The following ANKFY1 variants were observed in gnomAD, a reference collection of about 807,000 sequenced individuals.
The protein encoded by ANKFY1 is ankyrin repeat and FYVE domain containing 1.
ANKFY1 carries 47 observed loss-of-function variants against 128.3 expected under a neutral mutation model. The observed-to-expected ratio is 0.37, with a 90% confidence interval of 0.29 to 0.47. The LOEUF (loss-of-function observed/expected upper bound fraction) is 0.47, where lower values mean the gene tolerates loss of function less well. ANKFY1 is among the 20% of genes least tolerant of loss of function. ANKFY1 has a pLI of 1.00. For missense variants in ANKFY1, 1,222 were observed against 1,510.6 expected (o/e 0.81, Z 3.17); for synonymous variants, 553 against 601.6 (o/e 0.92, Z 1.18).
Position 4,194,960 on chromosome 17 carries a change from G to T in ANKFY1, c.1372+18C>A. Reference sequence around the variant, plus strand: ...CTGCAGACCCCAGCGTCGCCCCTTCGGGAGGCACGTGCTTTACCTGTCGCC... The same window carrying T: ...CTGCAGACCCCAGCGTCGCCCCTTCTGGAGGCACGTGCTTTACCTGTCGCC... On this transcript the variant is annotated intron_variant, in intron 10 of 24. Coordinates refer to ENST00000341657, the MANE Select transcript of ANKFY1 (RefSeq NM_001330063.2). 1 of 1,614,030 alleles carries T rather than the reference G, an allele frequency of 6.2e-7. No individual in the cohort carries two copies. Among genetic ancestry groups the T allele is most frequent in the Non-Finnish European group, 8.5e-7 (1 of 1,179,978 alleles).
At chr17:4,247,884 G>C (rs1412947674) in intron 1 of ANKFY1, among the ~76,000 whole-genome samples, 1 of 152,118 alleles carries the variant, frequency 6.6e-6, no homozygotes, top group Non-Finnish European at 1.5e-5. Context: ...AATAACCTTA[G>C]AATACAACCT....
chr17:4,172,024 G>A (rs554164529), intron 22 of ANKFY1, among the ~76,000 whole-genome samples: 2 of 152,214 alleles, frequency 1.3e-5, no homozygotes, highest in South Asian at 2.1e-4. Flanking sequence ...GCAAGAAAAC[G>A]AACGCGAGAG....
chr17:4,229,190 G>A (rs1031504223), intron 3 of ANKFY1, among the ~76,000 whole-genome samples: 3 of 152,252 alleles, frequency 2.0e-5, no homozygotes, highest in South Asian at 2.1e-4. Flanking sequence ...TTGGGGGGCC[G>A]CAGTGGGTGG....
chr17:4,226,198 T>G (rs936568844), intron 3 of ANKFY1, among the ~76,000 whole-genome samples: 1 of 152,112 alleles, frequency 6.6e-6, no homozygotes, highest in African/African-American at 2.4e-5. Context: ...AATTCTAAAA[T>G]TATAGATGTT....
chr17:4,199,345 C>G (rs2059885671), intron 7 of ANKFY1, among the ~76,000 whole-genome samples: 2 of 152,164 alleles, frequency 1.3e-5, no homozygotes, highest in Admixed American at 1.3e-4. Flanking sequence ...CGCATGCCAC[C>G]ATGCCTGGCT....
chr17:4,242,567 CTCTT>C (rs1313013606), intron 1 of ANKFY1, 119 bp from the exon 2 acceptor site: 27 of 877,828 alleles, frequency 3.1e-5, no homozygotes, highest in Non-Finnish European at 4.4e-5. Flanking sequence ...GACCGTTCCA[CTCTT>C]TCTTAGTGAT....
chr17:4,172,099 T>C (rs2059331632), intron 22 of ANKFY1, among the ~76,000 whole-genome samples: 1 of 152,130 alleles, frequency 6.6e-6, no homozygotes. Context: ...AGAGCAACCA[T>C]GAGAGGCCTG....
chr17:4,263,922 A>G lies in ANKFY1; in HGVS notation c.10+10T>C. 6.2e-7 allele frequency: 1 copy of G among 1,613,924 alleles called. No individual in the cohort carries two copies. Among genetic ancestry groups the G allele is most frequent in the Non-Finnish European group, 8.5e-7 (1 of 1,179,904 alleles). ...GTGTCTTCCCGCGCGGCTCCACAAA[A>G]AAACCCTACCTTCCGCCATGTCTGG... On this transcript the variant is annotated intron_variant, in intron 1 of 24. Transcript: ENST00000341657.
chr17:4,196,283 A>G (rs1334699072), intron 8 of ANKFY1, among the ~76,000 whole-genome samples: 1 of 152,108 alleles, frequency 6.6e-6, no homozygotes, highest in Non-Finnish European at 1.5e-5. Flanking sequence ...TAATTATCAC[A>G]TGATACTGAG....
At chr17:4,238,661 A>G (rs1470782459) in intron 2 of ANKFY1, among the ~76,000 whole-genome samples, 1 of 151,672 alleles carries the variant, frequency 6.6e-6, no homozygotes, top group Non-Finnish European at 1.5e-5. Context: ...TTTAGTAGAG[A>G]CAGAGTTTCA....
rs146753278 is a variant in ANKFY1 at position 4,237,664 on chromosome 17, T to C, written c.204-1774A>G. Among the ~76,000 whole-genome samples the C allele has an allele frequency of 2.0e-5, 3 of 152,328 alleles. No homozygotes were observed. In the East Asian group the frequency reaches 5.8e-4, roughly 29 times the overall value. On this transcript the variant is annotated intron_variant, in intron 2 of 24. Coordinates refer to ENST00000341657, the MANE Select transcript of ANKFY1 (RefSeq NM_001330063.2). ...AATGTCAGGTCAAAATTCTATCTTT[T>C]GTAATCTGACATATCAAAGGGAAAT...
chr17:4,258,492 C>T (rs1423057934), intron 1 of ANKFY1, among the ~76,000 whole-genome samples: 1 of 151,012 alleles, frequency 6.6e-6, no homozygotes. Flanking sequence ...CCACTGCACT[C>T]CAGCCTGGGA....
Position 4,216,990 on chromosome 17 carries a change from T to C in ANKFY1, c.451A>G (p.Arg151Gly). Residue 151 changes from arginine to glycine, a missense_variant, in exon 4 of 25, where the codon AGG becomes GGG. Coordinates refer to ENST00000341657, the MANE Select transcript of ANKFY1 (RefSeq NM_001330063.2). Reference protein sequence around the residue: ...LANRFQLQLLRERCEKGVMSL... With the variant: ...LANRFQLQLLGERCEKGVMSL... The stretch of plus-strand genomic sequence containing the variant: ...ATATCTGCTGTGACTTGCCTCTCCC[T>C]GAGGAGCTGTAGCTGAAACCGATTT... The C allele has an allele frequency of 6.2e-7, 1 of 1,614,130 alleles. No individual in the cohort carries two copies. Among genetic ancestry groups the C allele is most frequent in the Non-Finnish European group, 8.5e-7 (1 of 1,179,988 alleles).
intron 10 of ANKFY1, among the ~76,000 whole-genome samples, chr17:4,190,932 G>A (rs1170158329): frequency 6.6e-6 from 1 of 152,150 alleles, no homozygotes; most frequent in Non-Finnish European, 1.5e-5. Flanking sequence ...GAGCTCAGGA[G>A]TTCGAGACAA....
chr17:4,235,327 TG>T (rs1966871776), intron 3 of ANKFY1, among the ~76,000 whole-genome samples: 1 of 104,834 alleles, frequency 9.5e-6, no homozygotes, highest in Admixed American at 1.5e-4. Flanking sequence ...GGTAACAGAG[TG>T]AGACTCTGTC....
At chr17:4,189,583 G>A (rs2059675239) in intron 10 of ANKFY1, 104 bp from the exon 11 acceptor site, 15 of 1,015,316 alleles carry the variant, frequency 1.5e-5, no homozygotes, top group East Asian at 1.1e-4. Context: ...GCAAGCCCAC[G>A]CCAGACAGTA....
Position 4,169,190 on chromosome 17 carries a change from G to A in ANKFY1, c.3377+8C>T, listed in dbSNP as rs1444069475. ...CCTCGCTCCTTGCCAGTGACGCTGG[G>A]GTCTTACCAGTGGTGTTTGCGAGTG... On this transcript the variant is annotated splice_region_variant and intron_variant, in intron 24 of 24. Transcript: ENST00000341657. This position sits in a 1 kb window ranked among gnomAD's most constrained non-coding sequence, Gnocchi z 5.0. 4 of 1,550,142 alleles carry A rather than the reference G, an allele frequency of 2.6e-6. No homozygotes were observed. The highest frequency in any genetic ancestry group is 3.5e-6 in the Non-Finnish European group (4 of 1,145,680).
At chr17:4,254,863 G>A (rs1968032060) in intron 1 of ANKFY1, among the ~76,000 whole-genome samples, 2 of 152,066 alleles carry the variant, frequency 1.3e-5, no homozygotes, top group Non-Finnish European at 2.9e-5. Flanking sequence ...CATCATCTCA[G>A]ATTCTAACTA....
In ANKFY1 at chr17:4,224,732, G is replaced by A. The variant is rs574578882; in HGVS notation, c.323-7614C>T. Among the ~76,000 whole-genome samples the A allele has an allele frequency of 3.9e-5, 6 of 152,166 alleles. No homozygotes were observed. The East Asian group carries it at 7.7e-4, about 20-fold the overall frequency. Reference sequence around the variant, plus strand: ...TGGGAAAGCAGGAACTGAGTTCATTGCATCTTTAATTTGGTGGAAATTAGC... The same window carrying A: ...TGGGAAAGCAGGAACTGAGTTCATTACATCTTTAATTTGGTGGAAATTAGC... On this transcript the variant is annotated intron_variant, in intron 3 of 24. Coordinates refer to ENST00000341657, the MANE Select transcript of ANKFY1 (RefSeq NM_001330063.2).
Sources: allele counts gnomAD v4.1 joint callset (sites outside exome capture counted in the v4.1 genomes callset), GRCh38; gene constraint gnomAD v4.1.1; non-coding constraint Gnocchi (gnomAD v3.1); transcripts MANE v1.5; gene names NCBI Gene and HGNC (gene_info 2026-07-23, HGNC 2026-07-21).